The following RGPD4 variants were observed in gnomAD, a reference collection of about 807,000 sequenced individuals.
RGPD4 encodes ranBP2-like and GRIP domain-containing protein 4.
RGPD4 carries 84 observed loss-of-function variants against 141.1 expected under a neutral mutation model. The ratio of observed to expected loss-of-function variants is 0.60; its 90% CI spans 0.50 to 0.71. The LOEUF (loss-of-function observed/expected upper bound fraction) is 0.71, where lower values mean the gene tolerates loss of function less well. RGPD4 is among the 30% of genes least tolerant of loss of function. The probability of loss-of-function intolerance (pLI) is 0.00; values close to 1 mark genes in which losing one functional copy is unlikely to be tolerated. For missense variants in RGPD4, 918 were observed against 1,622.4 expected (o/e 0.57, Z 7.46); for synonymous variants, 298 against 566.8 (o/e 0.53, Z 6.74).
At chr2:107,833,228 G>A (rs957768324) in intron 1 of RGPD4, among the ~76,000 whole-genome samples, 10 of 150,574 alleles carry the variant, frequency 6.6e-5, no homozygotes, top group Admixed American at 1.3e-4. Flanking sequence ...GCGAGACTCC[G>A]TTTGAATTAA....
At chr2:107,840,434 T>G (rs796099111) in intron 4 of RGPD4, among the ~76,000 whole-genome samples, 4,575 of 146,312 alleles carry the variant, frequency 0.031, no homozygotes, top group Middle Eastern at 0.044. Context: ...TGCCTCAGCC[T>G]TCCGGGTAGC....
intron 1 of RGPD4, among the ~76,000 whole-genome samples, chr2:107,834,213 A>T (rs1160715750): frequency 6.6e-6 from 1 of 150,550 alleles, no homozygotes; most frequent in Non-Finnish European, 1.5e-5. Context: ...CTCCTTGTTT[A>T]CATTTATTCC....
intron 15 of RGPD4, 67 bp downstream of exon 15, chr2:107,861,807 C>T: frequency 2.5e-6 from 4 of 1,589,910 alleles, no homozygotes; most frequent in Non-Finnish European, 3.4e-6. Flanking sequence ...TTGCGTTGGT[C>T]TTATATTTTG....
At chr2:107,830,489 G>T (rs556272580) in intron 1 of RGPD4, among the ~76,000 whole-genome samples, 15 of 152,118 alleles carry the variant, frequency 9.9e-5, no homozygotes, top group Non-Finnish European at 2.1e-4. Context: ...AAGTGGAGTG[G>T]TGGCAACATT....
Position 107,882,675 on chromosome 2 carries a change from C to T in RGPD4, c.5068C>T (p.Leu1690Phe). 1 of 1,611,072 alleles carries T rather than the reference C, an allele frequency of 6.2e-7. No homozygotes were observed. Among genetic ancestry groups the T allele is most frequent in the Admixed American group, 1.7e-5 (1 of 59,926 alleles). Residue 1690 changes from leucine to phenylalanine, a missense_variant, in exon 22 of 23, where the codon CTC becomes TTC. Coordinates refer to ENST00000408999, the MANE Select transcript of RGPD4 (RefSeq NM_182588.3). ...TAACTCATTTCTCTAACACCAGCTT[C>T]TCAAAAGTGAAATAAGAAGATTGGA... ...SAVLMEQIKL[L>F]KSEIRRLERN...
At chr2:107,857,755 G>T (rs1682376691) in intron 9 of RGPD4, among the ~76,000 whole-genome samples, 1 of 151,542 alleles carries the variant, frequency 6.6e-6, no homozygotes, top group South Asian at 2.1e-4. Flanking sequence ...ACTTTGGGAG[G>T]CCGAGGCGGG....
chr2:107,826,983 C>A lies in RGPD4; in HGVS notation c.-31C>A, dbSNP rs770621859. ...CTGCTGCGGGGCTGAGCGCTGGTTT[C>A]ACGCGTCTCGGGAGCCAGGTTGGTG... On this transcript the variant is annotated 5_prime_UTR_variant, in exon 1 of 23. Transcript: ENST00000408999. 16 of 1,587,028 alleles carry A rather than the reference C, an allele frequency of 1.0e-5. No homozygotes were observed. The South Asian group carries it at 1.8e-4, about 18-fold the overall frequency.
In RGPD4 at chr2:107,871,720, A is replaced by C; in HGVS notation, c.3716A>C (p.Asn1239Thr). 6.2e-7 allele frequency: 1 copy of C among 1,610,800 alleles called. No individual in the cohort carries two copies. Among genetic ancestry groups the C allele is most frequent in the Non-Finnish European group, 8.5e-7 (1 of 1,179,784 alleles). Reference sequence around the variant, plus strand: ...GCCTCAGACACAACAATAAAACCCAATCCTGAAAACACTGGGCCCACATTA... The same window carrying C: ...GCCTCAGACACAACAATAAAACCCACTCCTGAAAACACTGGGCCCACATTA... ...AGASDTTIKP[N>T]PENTGPTLEW... The change falls in exon 20 of 23, where the codon AAT becomes ACT. Residue 1239 changes from asparagine to threonine, a missense_variant. By Grantham distance (65) the Asn-to-Thr change is moderately conservative. Coordinates refer to ENST00000408999, the MANE Select transcript of RGPD4 (RefSeq NM_182588.3).
intron 4 of RGPD4, among the ~76,000 whole-genome samples, chr2:107,840,138 CA>C (rs1328365098): frequency 1.3e-5 from 2 of 150,978 alleles, no homozygotes; most frequent in African/African-American, 2.4e-5. Flanking sequence ...CGTCAAGATA[CA>C]GAACTACTCT....
rs1172660368 is a variant in RGPD4 at position 107,859,272 on chromosome 2, T to G, written c.1435T>G (p.Ser479Ala). The change falls in exon 10 of 23, where the codon TCA becomes GCA. Residue 479 changes from serine (S) to alanine (A), a missense_variant. Ser to Ala is a moderately conservative substitution (Grantham distance 99). Coordinates refer to ENST00000408999, the MANE Select transcript of RGPD4 (RefSeq NM_182588.3). The part of the protein sequence containing the change: ...TSRLETNAPE[S>A]ICILDLEVFL... ...AAGGCTTGAAACAAATGCACCTGAA[T>G]CAATATGTATTTTAGATCTTGAAGT... 7.1e-7 allele frequency: 1 copy of G among 1,417,188 alleles called. No individual in the cohort carries two copies. The highest frequency in any genetic ancestry group is 9.4e-7 in the Non-Finnish European group (1 of 1,067,016). The allele number at this position is 1,417,188 out of a possible 1,614,324, so 87.8% of individuals were successfully genotyped here. A position where few individuals can be genotyped will look rare whatever the true frequency, so the allele number is the denominator to read the frequency against.
intron 22 of RGPD4, among the ~76,000 whole-genome samples, chr2:107,887,016 G>A (rs1414047542): frequency 6.7e-6 from 1 of 149,774 alleles, no homozygotes; most frequent in Non-Finnish European, 1.5e-5. Context: ...GACCAGGCAG[G>A]AGGATTGCTT....
At chr2:107,880,674 A>G (rs1030450290) in intron 21 of RGPD4, among the ~76,000 whole-genome samples, 3 of 149,652 alleles carry the variant, frequency 2.0e-5, no homozygotes, top group Non-Finnish European at 4.4e-5. Flanking sequence ...CATTGTTCAC[A>G]TATGCTTAAA....
At chr2:107,834,104 T>A (rs943484165) in intron 1 of RGPD4, among the ~76,000 whole-genome samples, 5 of 151,818 alleles carry the variant, frequency 3.3e-5, no homozygotes, top group African/African-American at 1.2e-4. Context: ...GTTCTTTTTT[T>A]TTTTGAGATG....
At chr2:107,878,409 T>C (rs1160298659) in intron 20 of RGPD4, among the ~76,000 whole-genome samples, 2 of 149,378 alleles carry the variant, frequency 1.3e-5, no homozygotes, top group Non-Finnish European at 3.0e-5. Flanking sequence ...GGACAACTGA[T>C]ACGGAGTCTG....
chr2:107,828,279 A>T (rs1318604456), intron 1 of RGPD4, among the ~76,000 whole-genome samples: 1 of 38,772 alleles, frequency 2.6e-5, no homozygotes, highest in Non-Finnish European at 5.4e-5. Flanking sequence ...ATGGCTCCCG[A>T]CGGGCGCTGC....
At chr2:107,828,545 C>A (rs879086476) in intron 1 of RGPD4, among the ~76,000 whole-genome samples, 51 of 55,940 alleles carry the variant, frequency 9.1e-4, no homozygotes, top group Non-Finnish European at 1.5e-3. Flanking sequence ...CGTCATGGCT[C>A]CCGACGGGCG....
chr2:107,873,237 GTGTTCATTTTCATTTGTTCTGTTTC>G (rs1276589667), intron 20 of RGPD4, among the ~76,000 whole-genome samples: 1 of 73,600 alleles, frequency 1.4e-5, no homozygotes. Context: ...TTTTTTTAAA[GTGTTCATTTTCATTTGTTCTGTTTC>G]TTTTGTCACT....
chr2:107,844,290 G>A (rs905601468), intron 6 of RGPD4, among the ~76,000 whole-genome samples: 3 of 151,858 alleles, frequency 2.0e-5, no homozygotes, highest in Non-Finnish European at 4.4e-5. Flanking sequence ...TTTGTATAAA[G>A]ATGTTAGTTT....
chr2:107,852,230 A>G (rs2119716), intron 7 of RGPD4, among the ~76,000 whole-genome samples: 5 of 116,522 alleles, frequency 4.3e-5, no homozygotes, highest in Non-Finnish European at 7.4e-5. Context: ...GCAGCCTGGC[A>G]ACAGAGCGAG....
Sources: allele counts gnomAD v4.1 joint callset (sites outside exome capture counted in the v4.1 genomes callset), GRCh38; gene constraint gnomAD v4.1.1; transcripts MANE v1.5; gene names NCBI Gene and HGNC (gene_info 2026-07-23, HGNC 2026-07-21).